Variants in SMARCAD1 observed in about 807,000 individuals in gnomAD.
SMARCAD1 encodes the protein SNF2 related chromatin remodeling ATPase with DExD box 1, also known as SWI/SNF-related matrix-associated actin-dependent regulator of chromatin subfamily A containing DEAD/H box 1.
A neutral mutation model predicts 127.1 loss-of-function variants in SMARCAD1; 25 were observed. The ratio of observed to expected loss-of-function variants is 0.20; its 90% CI spans 0.14 to 0.27. The LOEUF is 0.27. SMARCAD1 is among the 10% of genes least tolerant of loss of function. The pLI is 1.00. For synonymous variants in SMARCAD1, 400 were observed against 396.9 expected (o/e 1.01, Z -0.09); for missense variants, 807 against 1,206.0 (o/e 0.67, Z 4.90).
At chr4:94,208,251 G>C (rs1741566149) in intron 1 of SMARCAD1, 95 bp from the exon 2 acceptor site, 1 of 861,792 alleles carries the variant, frequency 1.2e-6, no homozygotes, top group Admixed American at 1.8e-5. Flanking sequence ...TGGCATGTTT[G>C]CGGGCCCTTT....
chr4:94,269,612 A>G (rs748655356), intron 10 of SMARCAD1, among the ~76,000 whole-genome samples: 2 of 152,080 alleles, frequency 1.3e-5, no homozygotes, highest in African/African-American at 2.4e-5. Context: ...ATAGATGTTC[A>G]ATAAGTGATA....
chr4:94,270,542 G>C, intron 10 of SMARCAD1, 186 bp from the exon 11 acceptor site: 1 of 543,988 alleles, frequency 1.8e-6, no homozygotes, highest in East Asian at 3.3e-5. Context: ...AGAGAATAAA[G>C]TTTGAGAAGA....
In SMARCAD1 at chr4:94,273,475, C is replaced by T. The variant is rs1430890749; in HGVS notation, c.1573-142C>T. On this transcript the variant is annotated intron_variant, in intron 11 of 23. Coordinates refer to ENST00000354268, the MANE Select transcript of SMARCAD1 (RefSeq NM_020159.5). ...AATTCTGTCATTTGAGAACTAAGAACATAGTAGAAATTCCTTTAGAGTTGC... is the reference window on the plus strand; with the variant it reads ...AATTCTGTCATTTGAGAACTAAGAATATAGTAGAAATTCCTTTAGAGTTGC... 3 of 650,856 alleles carry T rather than the reference C, an allele frequency of 4.6e-6. No homozygotes were observed. In the African/African-American group the frequency reaches 5.5e-5, roughly 12 times the overall value. 40.3% of individuals were successfully genotyped at this position (650,856 alleles called of 1,614,324 possible).
chr4:94,278,401 A>G (rs1753590843), intron 16 of SMARCAD1, 21 bp from the exon 17 acceptor site: 13 of 1,575,258 alleles, frequency 8.3e-6, no homozygotes, highest in Non-Finnish European at 1.1e-5. Context: ...TCCTAAAAGG[A>G]TATGTTTTTA....
At chr4:94,269,864 G>A (rs1457224251) in intron 10 of SMARCAD1, among the ~76,000 whole-genome samples, 4 of 151,866 alleles carry the variant, frequency 2.6e-5, no homozygotes, top group Non-Finnish European at 4.4e-5. Context: ...TAGAGATAGC[G>A]TTTTGTCAAT....
In SMARCAD1 at chr4:94,290,118, C is replaced by T; in HGVS notation, c.*584C>T. ...TCCATATACTAACATCCCCCAGGTC[C>T]TCTCAAGTACTTCTGCTGAAACAAA... On this transcript the variant is annotated 3_prime_UTR_variant, in exon 24 of 24. Coordinates refer to ENST00000354268, the MANE Select transcript of SMARCAD1 (RefSeq NM_020159.5). 1 of 454,508 alleles carries T rather than the reference C, an allele frequency of 2.2e-6. No individual in the cohort carries two copies. The allele number at this position is 454,508 out of a possible 1,614,324, so 28.2% of individuals were successfully genotyped here. A position where few individuals can be genotyped will look rare whatever the true frequency, so the allele number is the denominator to read the frequency against.
Position 94,277,271 on chromosome 4 carries a change from C to A in SMARCAD1, c.2082+112C>A, listed in dbSNP as rs533717793. Reference sequence around the variant, plus strand: ...ATAGTGCATATGCTCTATGAAGTAACTTTAAGTAGGTGATAACTCTATATT... The same window carrying A: ...ATAGTGCATATGCTCTATGAAGTAAATTTAAGTAGGTGATAACTCTATATT... On this transcript the variant is annotated intron_variant, in intron 16 of 23. Coordinates refer to ENST00000354268, the MANE Select transcript of SMARCAD1 (RefSeq NM_020159.5). 3.5e-4 allele frequency: 435 copies of A among 1,230,254 alleles called. 3 individuals carry two copies. The African/African-American group carries it at 5.5e-3, about 15-fold the overall frequency. 76.2% of individuals were successfully genotyped at this position (1,230,254 alleles called of 1,614,324 possible). A position where few individuals can be genotyped will look rare whatever the true frequency, so the allele number is the denominator to read the frequency against.
At chr4:94,267,022 T>TA (rs1466278122) in intron 10 of SMARCAD1, among the ~76,000 whole-genome samples, 2 of 152,274 alleles carry the variant, frequency 1.3e-5, no homozygotes, top group African/African-American at 4.8e-5. Context: ...GTTTTATTCT[T>TA]ACTATAGATG....
chr4:94,221,252 C>T (rs897120317), intron 2 of SMARCAD1, among the ~76,000 whole-genome samples: 4 of 152,126 alleles, frequency 2.6e-5, no homozygotes, highest in Admixed American at 6.6e-5. Context: ...TGAAATGTGT[C>T]GACCTTTGGA....
intron 9 of SMARCAD1, among the ~76,000 whole-genome samples, chr4:94,262,352 A>G (rs1751116820): frequency 6.6e-6 from 1 of 152,160 alleles, no homozygotes; most frequent in Non-Finnish European, 1.5e-5. Flanking sequence ...TTAACTCTTC[A>G]TTCATCTCCC....
intron 22 of SMARCAD1, among the ~76,000 whole-genome samples, chr4:94,284,305 T>C (rs1292605828): frequency 4.4e-5 from 5 of 113,146 alleles, no homozygotes; most frequent in African/African-American, 1.5e-4. Context: ...CCAGCCTGGG[T>C]GACGGAGCAA....
intron 19 of SMARCAD1, 33 bp from the exon 20 acceptor site, chr4:94,280,559 T>C (rs765988956): frequency 1.3e-6 from 2 of 1,568,240 alleles, no homozygotes; most frequent in South Asian, 2.2e-5. Flanking sequence ...TTATTTTTAT[T>C]TTGAAGTATA....
chr4:94,251,000 A>G (rs1358968806), intron 8 of SMARCAD1, among the ~76,000 whole-genome samples, 167 bp downstream of exon 8: 1 of 152,210 alleles, frequency 6.6e-6, no homozygotes, highest in Non-Finnish European at 1.5e-5. Flanking sequence ...CCAGTTTTTA[A>G]ATGTTTTGAC....
chr4:94,282,207 C>CTCG (rs1560569209), intron 21 of SMARCAD1, among the ~76,000 whole-genome samples: 1 of 57,422 alleles, frequency 1.7e-5, no homozygotes, highest in Admixed American at 2.6e-4. Context: ...TCACGCCATT[C>CTCG]TGCCTCAGCC....
intron 7 of SMARCAD1, 36 bp downstream of exon 7, chr4:94,249,791 A>T (rs780395970): frequency 8.5e-6 from 10 of 1,176,864 alleles, no homozygotes; most frequent in Middle Eastern, 2.2e-4. Flanking sequence ...ATCAGTGTGT[A>T]CTAAGTGTTT....
intron 12 of SMARCAD1, 108 bp downstream of exon 12, chr4:94,273,824 G>A: frequency 2.4e-6 from 2 of 817,284 alleles, no homozygotes; most frequent in Non-Finnish European, 2.0e-6. Flanking sequence ...TTCTTAGTTT[G>A]TAGAGATGAA....
At chr4:94,222,779 A>G (rs765863311) in intron 2 of SMARCAD1, among the ~76,000 whole-genome samples, 3 of 151,988 alleles carry the variant, frequency 2.0e-5, no homozygotes, top group Non-Finnish European at 4.4e-5. Context: ...CCTGGCAAAC[A>G]TGGTGAAACC....
At chr4:94,281,759 G>A (rs1289132607) in intron 21 of SMARCAD1, among the ~76,000 whole-genome samples, 169 bp downstream of exon 21, 12 of 152,094 alleles carry the variant, frequency 7.9e-5, no homozygotes, top group South Asian at 2.1e-4. Flanking sequence ...GGTGGCTCAC[G>A]CCTGTAATCC....
chr4:94,272,670 T>C (rs1466390190), intron 11 of SMARCAD1, among the ~76,000 whole-genome samples: 1 of 152,212 alleles, frequency 6.6e-6, no homozygotes, highest in African/African-American at 2.4e-5. Context: ...TATGTATCAG[T>C]AATTTTTTTG....
Sources: allele counts gnomAD v4.1 joint callset (sites outside exome capture counted in the v4.1 genomes callset), GRCh38; gene constraint gnomAD v4.1.1; transcripts MANE v1.5; gene names NCBI Gene and HGNC (gene_info 2026-07-23, HGNC 2026-07-21).